Variants in PLEKHA5 observed in about 807,000 individuals in gnomAD.
The protein encoded by PLEKHA5 is pleckstrin homology domain containing A5.
Under a neutral mutation model 181.9 loss-of-function variants are expected in PLEKHA5, and 55 were observed. That is an observed-to-expected ratio of 0.30 (90% CI 0.24 to 0.38). The LOEUF is 0.38. PLEKHA5 is among the 10% of genes least tolerant of loss of function. The probability of loss-of-function intolerance (pLI) is 1.00; values close to 1 mark genes in which losing one functional copy is unlikely to be tolerated. For missense variants in PLEKHA5, 1,432 were observed against 1,549.5 expected, an observed-to-expected ratio of 0.92 and a Z score of 1.27; for synonymous variants, 535 against 529.4, an observed-to-expected ratio of 1.01 and a Z score of -0.15.
intron 3 of PLEKHA5, among the ~76,000 whole-genome samples, chr12:19,244,495 G>A (rs1419088763): frequency 6.6e-6 from 1 of 152,216 alleles, no homozygotes; most frequent in Non-Finnish European, 1.5e-5. Flanking sequence ...TTTGTGGGTT[G>A]GGCCTTTGCA....
At chr12:19,141,474 A>C (rs896085661) in intron 3 of PLEKHA5, among the ~76,000 whole-genome samples, 1 of 152,230 alleles carries the variant, frequency 6.6e-6, no homozygotes, top group African/African-American at 2.4e-5. Flanking sequence ...AAGATGTGAA[A>C]GACTAGAGAT....
At chr12:19,285,729 A>G (rs970089119) in intron 12 of PLEKHA5, among the ~76,000 whole-genome samples, 1 of 152,166 alleles carries the variant, frequency 6.6e-6, no homozygotes, top group African/African-American at 2.4e-5. Context: ...TATCAGGTTC[A>G]CTTATAAATC....
At chr12:19,189,500 A>T (rs1366384196) in intron 3 of PLEKHA5, among the ~76,000 whole-genome samples, 1 of 151,994 alleles carries the variant, frequency 6.6e-6, no homozygotes, top group Non-Finnish European at 1.5e-5. Context: ...TAGAAATGGG[A>T]AAAAATATTT....
intron 3 of PLEKHA5, among the ~76,000 whole-genome samples, chr12:19,188,524 A>G (rs948749809): frequency 5.9e-5 from 9 of 152,340 alleles, no homozygotes; most frequent in African/African-American, 1.2e-4. Flanking sequence ...AAAGATTTCA[A>G]TCATATTAGA....
At chr12:19,176,488 A>G (rs1256562595) in intron 3 of PLEKHA5, 5 of 152,042 alleles carry the variant, frequency 3.3e-5, no homozygotes, top group East Asian at 3.9e-4. Flanking sequence ...CGGACACGCT[A>G]TCAGCATAGC....
chr12:19,369,129 G>C (rs115863523), intron 30 of PLEKHA5, among the ~76,000 whole-genome samples: 2,173 of 151,898 alleles, frequency 0.014, 51 homozygotes, highest in African/African-American at 0.05. Flanking sequence ...CTGGCTCTTG[G>C]GTTCAAGCAT....
chr12:19,370,523 T>A (rs2153318527), intron 31 of PLEKHA5, among the ~76,000 whole-genome samples: 1 of 152,282 alleles, frequency 6.6e-6, no homozygotes, highest in African/African-American at 2.4e-5. Flanking sequence ...AAAGCTCTGG[T>A]GTAGAGTAAG....
At chr12:19,267,716 C>T (rs898888326) in intron 8 of PLEKHA5, among the ~76,000 whole-genome samples, 3 of 151,348 alleles carry the variant, frequency 2.0e-5, no homozygotes, top group African/African-American at 7.3e-5. Flanking sequence ...GTAATCCCAG[C>T]ACTTTGGGAG....
intron 30 of PLEKHA5, among the ~76,000 whole-genome samples, chr12:19,367,084 C>G (rs1273425647): frequency 6.6e-6 from 1 of 151,874 alleles, no homozygotes; most frequent in East Asian, 1.9e-4. Context: ...ATGGGGGTTA[C>G]TATGTTGGCC....
intron 15 of PLEKHA5, among the ~76,000 whole-genome samples, chr12:19,312,911 T>C (rs189487435): frequency 6.6e-5 from 10 of 152,294 alleles, no homozygotes; most frequent in Admixed American, 6.5e-4. Context: ...GCTTTTGATT[T>C]AAAGTGATAA....
intron 3 of PLEKHA5, among the ~76,000 whole-genome samples, chr12:19,157,242 T>C (rs2151417326): frequency 6.6e-6 from 1 of 152,210 alleles, no homozygotes; most frequent in African/African-American, 2.4e-5. Context: ...ATAAATGTAC[T>C]TTTTGGTTGA....
intron 10 of PLEKHA5, among the ~76,000 whole-genome samples, chr12:19,273,998 A>G (rs539529688): frequency 1.3e-5 from 2 of 152,316 alleles, no homozygotes; most frequent in African/African-American, 4.8e-5. Context: ...AGAGCTCTAA[A>G]ATCATACTGA....
chr12:19,281,661 CT>C (rs2076182995), intron 11 of PLEKHA5, among the ~76,000 whole-genome samples: 1 of 151,036 alleles, frequency 6.6e-6, no homozygotes, highest in Admixed American at 6.6e-5. Context: ...TGGCTCACTT[CT>C]CCCCTAACTT....
chr12:19,355,503 C>T (rs1475605872), intron 26 of PLEKHA5, among the ~76,000 whole-genome samples: 1 of 151,836 alleles, frequency 6.6e-6, no homozygotes, highest in Non-Finnish European at 1.5e-5. Flanking sequence ...AAGCACGTAC[C>T]ACCATACTCG....
intron 3 of PLEKHA5, among the ~76,000 whole-genome samples, chr12:19,246,817 T>C (rs1466151423): frequency 6.6e-6 from 1 of 152,196 alleles, no homozygotes; most frequent in Admixed American, 6.5e-5. Flanking sequence ...CTTTTGTCAG[T>C]TAGTACTTAA....
At chr12:19,228,039 G>A (rs1311844754) in intron 3 of PLEKHA5, among the ~76,000 whole-genome samples, 1 of 152,152 alleles carries the variant, frequency 6.6e-6, no homozygotes, top group African/African-American at 2.4e-5. Context: ...TTTAATTGTT[G>A]TGGTGGGTCC....
At chr12:19,335,980 G>C (rs2093397970) in intron 20 of PLEKHA5, among the ~76,000 whole-genome samples, 1 of 152,104 alleles carries the variant, frequency 6.6e-6, no homozygotes, top group Admixed American at 6.6e-5. Flanking sequence ...TTCAACAAAT[G>C]ACAAGCTGTT....
intron 29 of PLEKHA5, 87 bp from the exon 30 acceptor site, chr12:19,365,877 G>A (rs1293014458): frequency 2.6e-6 from 2 of 759,004 alleles, no homozygotes; most frequent in Non-Finnish European, 4.1e-6. Flanking sequence ...GTTAAACATA[G>A]GTGGTGGCAT....
chr12:19,327,477 T>A (rs2092328152), intron 20 of PLEKHA5, among the ~76,000 whole-genome samples: 1 of 151,904 alleles, frequency 6.6e-6, no homozygotes. Flanking sequence ...TTAAGCTCCT[T>A]ATAGATTCTG....
Sources: gnomAD v4.1 joint callset for allele counts (sites outside exome capture counted in the v4.1 genomes callset) on GRCh38, gnomAD v4.1.1 for gene constraint, MANE v1.5 for transcripts, NCBI Gene and HGNC (gene_info 2026-07-23, HGNC 2026-07-21) for gene names.